Variants in SUPT3H observed in about 807,000 individuals in gnomAD.
The protein encoded by SUPT3H is transcription initiation protein SPT3 homolog.
Under a neutral mutation model 44.3 loss-of-function variants are expected in SUPT3H, and 44 were observed. The ratio of observed to expected loss-of-function variants is 0.99; its 90% CI spans 0.78 to 1.28. The LOEUF is 1.28. SUPT3H is among the 50% of genes most tolerant of loss of function. SUPT3H has a pLI of 0.00. For missense variants in SUPT3H, 380 were observed against 387.1 expected, an observed-to-expected ratio of 0.98 and a Z score of 0.15; for synonymous variants, 124 against 125.6, an observed-to-expected ratio of 0.99 and a Z score of 0.09.
At chr6:45,033,172 T>C (rs973848605) in intron 3 of SUPT3H, among the ~76,000 whole-genome samples, 1 of 152,094 alleles carries the variant, frequency 6.6e-6, no homozygotes, top group Non-Finnish European at 1.5e-5. Context: ...ATGTCTGAAA[T>C]ATAGTAACAG....
intron 2 of SUPT3H, among the ~76,000 whole-genome samples, chr6:45,196,781 T>C (rs1333992682): frequency 6.6e-6 from 1 of 151,930 alleles, no homozygotes; most frequent in Non-Finnish European, 1.5e-5. Flanking sequence ...TTTCAATTAT[T>C]AGGCATTTGG....
chr6:45,229,250 G>C (rs1226747251), intron 2 of SUPT3H, among the ~76,000 whole-genome samples: 1 of 151,574 alleles, frequency 6.6e-6, no homozygotes, highest in East Asian at 1.9e-4. Context: ...TACCAAAATA[G>C]CCATTATTTA....
intron 10 of SUPT3H, among the ~76,000 whole-genome samples, chr6:44,895,697 T>C (rs1484235934): frequency 1.3e-5 from 2 of 152,060 alleles, no homozygotes; most frequent in Non-Finnish European, 2.9e-5. Flanking sequence ...GGGAATGGGA[T>C]TTTACTTTTT....
intron 2 of SUPT3H, among the ~76,000 whole-genome samples, chr6:45,232,171 G>A (rs1768180646): frequency 6.6e-6 from 1 of 152,164 alleles, no homozygotes; most frequent in Non-Finnish European, 1.5e-5. Context: ...TGGTGGAACA[G>A]CTGCTTCTTC....
intron 2 of SUPT3H, among the ~76,000 whole-genome samples, chr6:45,282,457 G>A (rs191680411): frequency 1.9e-3 from 292 of 152,320 alleles, no homozygotes; most frequent in African/African-American, 6.7e-3. Context: ...TTCAGTAGCC[G>A]ATTCGATCAA....
chr6:44,982,274 A>T (rs938356213), intron 6 of SUPT3H, among the ~76,000 whole-genome samples: 2 of 151,996 alleles, frequency 1.3e-5, no homozygotes, highest in Non-Finnish European at 2.9e-5. Context: ...CCCAGGCTGG[A>T]GTGCTGTGGC....
At chr6:45,283,480 A>C (rs984815146) in intron 2 of SUPT3H, among the ~76,000 whole-genome samples, 10 of 152,206 alleles carry the variant, frequency 6.6e-5, no homozygotes, top group African/African-American at 2.2e-4. Flanking sequence ...AGGTCAAAAG[A>C]GACAAAGAAG....
intron 2 of SUPT3H, among the ~76,000 whole-genome samples, chr6:45,273,265 T>C (rs1258600290): frequency 2.0e-5 from 3 of 152,200 alleles, no homozygotes; most frequent in African/African-American, 4.8e-5. Flanking sequence ...TTGATGTGGA[T>C]GGTCCGCTGC....
At chr6:45,028,707 C>G (rs912757559) in intron 3 of SUPT3H, among the ~76,000 whole-genome samples, 1 of 151,836 alleles carries the variant, frequency 6.6e-6, no homozygotes, top group African/African-American at 2.4e-5. Context: ...GATGTCCAAA[C>G]ACACAAAACT....
rs1436186132 is a variant in SUPT3H, at chr6:45,065,115, A to G, written c.186+40807T>C. 3.3e-5 allele frequency among the ~76,000 whole-genome samples: 5 copies of G among 151,624 alleles called. No homozygotes were observed. In the East Asian group the frequency reaches 9.6e-4, roughly 29 times the overall value. On this transcript the variant is annotated intron_variant, in intron 3 of 10. Coordinates refer to ENST00000371459, the MANE Select transcript of SUPT3H (RefSeq NM_003599.4). ...CAGAAATTATAACAAACTATCTCTCAGACCACAGTGCAATCAAACTAGAAT... is the reference window on the plus strand; with the variant it reads ...CAGAAATTATAACAAACTATCTCTCGGACCACAGTGCAATCAAACTAGAAT...
intron 10 of SUPT3H, among the ~76,000 whole-genome samples, chr6:44,885,824 C>G (rs955537459): frequency 6.6e-6 from 1 of 152,038 alleles, no homozygotes; most frequent in Non-Finnish European, 1.5e-5. Flanking sequence ...CTCCGAGCTA[C>G]AGGAGGAAAT....
At chr6:44,996,998 G>T (rs1327849730) in intron 6 of SUPT3H, among the ~76,000 whole-genome samples, 1 of 151,618 alleles carries the variant, frequency 6.6e-6, no homozygotes, top group Non-Finnish European at 1.5e-5. Context: ...GTGCCTGTGG[G>T]TTTTACACTA....
intron 2 of SUPT3H, among the ~76,000 whole-genome samples, chr6:45,346,388 T>A (rs1158572020): frequency 3.3e-5 from 5 of 152,080 alleles, no homozygotes; most frequent in African/African-American, 1.2e-4. Context: ...GAACCTCGCA[T>A]GCCCTCCTGA....
chr6:45,166,835 T>A (rs1023251840), intron 2 of SUPT3H, among the ~76,000 whole-genome samples: 1 of 152,168 alleles, frequency 6.6e-6, no homozygotes, highest in Non-Finnish European at 1.5e-5. Context: ...CACCATTACA[T>A]ACCCACTAGA....
chr6:44,890,082 T>C (rs1348538978), intron 10 of SUPT3H, among the ~76,000 whole-genome samples: 11 of 151,540 alleles, frequency 7.3e-5, no homozygotes, highest in Admixed American at 1.3e-4. Context: ...CCAGTTAGAA[T>C]GGCGATCATT....
In SUPT3H at chr6:44,839,096, ATATAT is replaced by A. The variant is rs562946932; in HGVS notation, c.913-9244_913-9240del. On this transcript the variant is annotated intron_variant, in intron 10 of 10. Coordinates refer to ENST00000371459, the MANE Select transcript of SUPT3H (RefSeq NM_003599.4). ...GAGTTGTGGAGCCATCCCAAGTCAGATATATTATTTATGTGGTAGTGACAGTACTC... is the reference window on the plus strand; with the variant it reads ...GAGTTGTGGAGCCATCCCAAGTCAGATATTTATGTGGTAGTGACAGTACTC... Among the ~76,000 whole-genome samples the A allele has an allele frequency of 1.8e-3, 273 of 152,236 alleles. 1 individual carries two copies. Among genetic ancestry groups the A allele is most frequent in the African/African-American group, 6.1e-3 (253 of 41,518 alleles).
intron 6 of SUPT3H, among the ~76,000 whole-genome samples, chr6:44,979,542 TGG>T (rs553831090): frequency 1.3e-5 from 2 of 151,620 alleles, no homozygotes; most frequent in East Asian, 1.9e-4. Context: ...AAAGTGTGTG[TGG>T]GGGGGGGAAA....
intron 2 of SUPT3H, among the ~76,000 whole-genome samples, chr6:45,275,071 A>G (rs1417233831): frequency 2.6e-5 from 4 of 152,150 alleles, no homozygotes; most frequent in African/African-American, 7.2e-5. Context: ...ATATGCTGCT[A>G]TTATTTTGTT....
chr6:44,810,634 A>G lies in SUPT3H; in HGVS notation c.*53-1133T>C, dbSNP rs1459963324. Among the ~76,000 whole-genome samples the G allele has an allele frequency of 4.0e-5, 6 of 150,384 alleles. No individual in the cohort carries two copies. The South Asian group carries it at 8.4e-4, about 21-fold the overall frequency. ...AAAAAAAATGCACTTTTGGCGGGGC[A>G]TGGTGGCTCACGCCTGTAATCCCAG... On this transcript the variant is annotated intron_variant and NMD_transcript_variant, in intron 11 of 11. Coordinates refer to the SUPT3H transcript ENST00000475057.
Sources: allele counts gnomAD v4.1 joint callset (sites outside exome capture counted in the v4.1 genomes callset), GRCh38; gene constraint gnomAD v4.1.1; transcripts MANE v1.5; gene names NCBI Gene and HGNC (gene_info 2026-07-23, HGNC 2026-07-21).